The following CCDC40 variants were observed in gnomAD, a reference collection of about 807,000 sequenced individuals.
CCDC40 encodes the protein coiled-coil domain 40 molecular ruler complex subunit, also known as coiled-coil domain-containing protein 40.
In CCDC40, 104 loss-of-function variants were observed where a neutral mutation model predicts 124.5. The ratio of observed to expected loss-of-function variants is 0.84; its 90% CI spans 0.71 to 0.98. The LOEUF (loss-of-function observed/expected upper bound fraction) is 0.98. Ranked by LOEUF, CCDC40 falls within the 50% of genes least tolerant of loss-of-function variation. The pLI is 0.00. For missense variants in CCDC40, 1,463 were observed against 1,503.9 expected (o/e 0.97, Z 0.45); for synonymous variants, 580 against 602.9 (o/e 0.96, Z 0.56).
intron 12 of CCDC40, among the ~76,000 whole-genome samples, chr17:80,083,041 G>C (rs2038495601): frequency 6.6e-6 from 1 of 152,264 alleles, no homozygotes; most frequent in South Asian, 2.1e-4. Flanking sequence ...ATCCGGAGCT[G>C]GGGTCAACCA....
intron 7 of CCDC40, among the ~76,000 whole-genome samples, chr17:80,057,489 G>C (rs1163433193): frequency 1.3e-5 from 2 of 152,164 alleles, no homozygotes. Flanking sequence ...TTTCTGTTTG[G>C]ATCCAGCCAC....
At chr17:80,088,242 TTTG>T (rs2038632088) in intron 16 of CCDC40, 140 bp downstream of exon 16, 4 of 719,292 alleles carry the variant, frequency 5.6e-6, no homozygotes, top group South Asian at 1.5e-5. Flanking sequence ...TTGTTGTTGT[TTTG>T]TTTTTTGTTT....
intron 17 of CCDC40, chr17:80,090,206 C>G: frequency 4.0e-6 from 3 of 744,828 alleles, no homozygotes; most frequent in South Asian, 2.3e-5. Context: ...CACGCAGGCA[C>G]GTGCACGAAG....
In CCDC40 at chr17:80,085,868, C is replaced by T; in HGVS notation, c.2236-135C>T. 3 of 777,312 alleles carry T rather than the reference C, an allele frequency of 3.9e-6. No individual in the cohort carries two copies. The Admixed American group carries it at 5.8e-5, about 15-fold the overall frequency. The allele number at this position is 777,312 out of a possible 1,614,324, so 48.2% of individuals were successfully genotyped here. ...TATTTTGGGTAGAGACGGGGTTTCA[C>T]CCTGTTGGCCAGGCTGGTCTTGAAC... On this transcript the variant is annotated intron_variant, in intron 13 of 19. Transcript: ENST00000397545.
At position 80,087,898 on chromosome 17, in the gene CCDC40, AT is replaced by A; in HGVS notation, c.2620-111del. 7.8e-7 allele frequency: 1 copy of A among 1,276,232 alleles called. No homozygotes were observed. Among genetic ancestry groups the A allele is most frequent in the Non-Finnish European group, 1.1e-6 (1 of 873,842 alleles). The allele number at this position is 1,276,232 out of a possible 1,614,324, so 79.1% of individuals were successfully genotyped here. A position where few individuals can be genotyped will look rare whatever the true frequency, so the allele number is the denominator to read the frequency against. On this transcript the variant is annotated intron_variant, in intron 15 of 19. Transcript: ENST00000397545. The surrounding 1 kb of genome is among the most constrained non-coding windows in gnomAD (Gnocchi z 4.5). ...ACCCGTTCAAGATGCTTGTAGGGGTATTAGAAATCCAGCCTGCAGCCCTGCC... is the reference window on the plus strand; with the variant it reads ...ACCCGTTCAAGATGCTTGTAGGGGTATAGAAATCCAGCCTGCAGCCCTGCC...
At chr17:80,081,839 C>T (rs1489416111) in intron 11 of CCDC40, 37 bp from the exon 12 acceptor site, 1 of 1,613,810 alleles carries the variant, frequency 6.2e-7, no homozygotes, top group Non-Finnish European at 8.5e-7. Context: ...GGTGGTGCCT[C>T]TTCAGGCACG....
rs377615353 is a variant in CCDC40 at position 80,089,754 on chromosome 17, A to G, written c.2712-10A>G. ...CCTAATTTCTTACACTGCCTCTCCT[A>G]CCTCTAAAGACACCAGATTATGCTT... On this transcript the variant is annotated splice_polypyrimidine_tract_variant and intron_variant, in intron 16 of 19. Coordinates refer to ENST00000397545, the MANE Select transcript of CCDC40 (RefSeq NM_017950.4). The G allele has an allele frequency of 5.6e-6, 9 of 1,614,172 alleles. No homozygotes were observed. The highest frequency in any genetic ancestry group is 1.3e-5 in the African/African-American group (1 of 75,062).
At chr17:80,057,049 AAAAG>A (rs1192865545) in intron 7 of CCDC40, among the ~76,000 whole-genome samples, 1 of 151,384 alleles carries the variant, frequency 6.6e-6, no homozygotes, top group Non-Finnish European at 1.5e-5. Flanking sequence ...AAAAAAAAAA[AAAAG>A]AAGAATAGCA....
In CCDC40 at chr17:80,099,530, C is replaced by G. The variant is rs369522039; in HGVS notation, c.3184C>G (p.Leu1062Val). The G allele has an allele frequency of 7.7e-5, 124 of 1,608,390 alleles. 2 individuals are homozygous for G. In the Middle Eastern group the frequency reaches 8.3e-4, roughly 11 times the overall value. The change falls in exon 20 of 20, where the codon CTT becomes GTT. Residue 1062 changes from leucine (L) to valine (V), a missense_variant. Transcript: ENST00000397545. ...TRLGALKRQNLSEIVALQTRL... is the reference protein window; with the variant it reads ...TRLGALKRQNVSEIVALQTRL... ...TGGAGTCTCTTTTCCTACCCAGAAC[C>G]TTTCAGAGATCGTGGCCCTGCAGAC...
At chr17:80,060,484 C>T (rs1043037529) in intron 9 of CCDC40, among the ~76,000 whole-genome samples, 2 of 150,230 alleles carry the variant, frequency 1.3e-5, no homozygotes, top group Admixed American at 6.6e-5. Context: ...CACTTAAGCC[C>T]GGGAGGTCAA....
At chr17:80,047,556 C>T (rs994673017) in intron 4 of CCDC40, 154 bp downstream of exon 4, 12 of 737,042 alleles carry the variant, frequency 1.6e-5, no homozygotes, top group Non-Finnish European at 2.5e-5. Flanking sequence ...ATATGGATAA[C>T]ATTTATTGGG....
chr17:80,061,777 C>T (rs899186688), intron 9 of CCDC40, among the ~76,000 whole-genome samples: 2 of 152,036 alleles, frequency 1.3e-5, no homozygotes, highest in African/African-American at 4.8e-5. Context: ...TCCCTGCTGT[C>T]GGCCATGAAA....
chr17:80,038,245 C>A, intron 2 of CCDC40, 59 bp downstream of exon 2: 1 of 1,190,516 alleles, frequency 8.4e-7, no homozygotes, highest in Non-Finnish European at 1.2e-6. Context: ...TAAAGAGAAT[C>A]AGAGTACGGG....
At position 80,048,888 on chromosome 17, in the gene CCDC40, G is replaced by A. The variant is rs1324919148; in HGVS notation, c.855+127G>A. ...TGTACTTGTATCTCGCCTGTTCACT[G>A]CACCGTTTATTGGCACTGATTGACC... On this transcript the variant is annotated intron_variant, in intron 5 of 19. Coordinates refer to ENST00000397545, the MANE Select transcript of CCDC40 (RefSeq NM_017950.4). 4 of 878,774 alleles carry A rather than the reference G, an allele frequency of 4.6e-6. No individual in the cohort carries two copies. In the East Asian group the frequency reaches 1.1e-4, roughly 23 times the overall value. The allele number at this position is 878,774 out of a possible 1,614,324, so 54.4% of individuals were successfully genotyped here. A position where few individuals can be genotyped will look rare whatever the true frequency, so the allele number is the denominator to read the frequency against.
intron 18 of CCDC40, among the ~76,000 whole-genome samples, chr17:80,096,828 G>A (rs1191377327): frequency 2.0e-5 from 3 of 152,248 alleles, no homozygotes; most frequent in African/African-American, 4.8e-5. Context: ...AAGGCGGAAC[G>A]AACACCACAC....
chr17:80,057,726 A>T (rs1299175711), intron 7 of CCDC40, among the ~76,000 whole-genome samples: 1 of 151,814 alleles, frequency 6.6e-6, no homozygotes, highest in South Asian at 2.1e-4. Context: ...AATACAAAAA[A>T]TTAGCCGGGC....
At chr17:80,048,797 A>C in intron 5 of CCDC40, 36 bp downstream of exon 5, 2 of 1,555,460 alleles carry the variant, frequency 1.3e-6, no homozygotes, top group Non-Finnish European at 1.7e-6. Context: ...TTTTGCCTAC[A>C]TGGATGGCGA....
At chr17:80,097,634 C>T (rs2038834577) in intron 19 of CCDC40, 2 of 572,052 alleles carry the variant, frequency 3.5e-6, no homozygotes, top group Non-Finnish European at 6.3e-6. Flanking sequence ...TCATGTTCAG[C>T]GTGCGAGGGT....
chr17:80,084,610 C>T lies in CCDC40; in HGVS notation c.1990-133C>T, dbSNP rs1394284656. 11 of 1,068,634 alleles carry T rather than the reference C, an allele frequency of 1.0e-5. No homozygotes were observed. In the East Asian group the frequency reaches 2.5e-4, roughly 24 times the overall value. The allele number at this position is 1,068,634 out of a possible 1,614,324, so 66.2% of individuals were successfully genotyped here. A position where few individuals can be genotyped will look rare whatever the true frequency, so the allele number is the denominator to read the frequency against. On this transcript the variant is annotated intron_variant, in intron 12 of 19. Coordinates refer to ENST00000397545, the MANE Select transcript of CCDC40 (RefSeq NM_017950.4). ...CTGGAGACAGTGGGAAATCCAGCCT[C>T]CTGCACTCGTGACTGTGCGTTTGGA... is the stretch of plus-strand genomic sequence containing the variant.
Sources: allele counts gnomAD v4.1 joint callset (sites outside exome capture counted in the v4.1 genomes callset), GRCh38; gene constraint gnomAD v4.1.1; non-coding constraint Gnocchi (gnomAD v3.1); transcripts MANE v1.5; gene names NCBI Gene and HGNC (gene_info 2026-07-23, HGNC 2026-07-21).